The following ZNF93 variants were observed in gnomAD, a reference collection of about 807,000 sequenced individuals.
The protein encoded by ZNF93 is zinc finger protein 93.
Under a neutral mutation model 45.0 loss-of-function variants are expected in ZNF93, and 29 were observed. The ratio of observed to expected loss-of-function variants is 0.64; its 90% confidence interval spans 0.48 to 0.88. The LOEUF is 0.88. ZNF93 is among the 40% of genes least tolerant of loss of function. The pLI, the probability that ZNF93 is intolerant of heterozygous loss-of-function variation, is 0.00. For missense variants in ZNF93, 578 were observed against 724.0 expected, an observed-to-expected ratio of 0.80 and a Z score of 2.31; for synonymous variants, 223 against 244.6, an observed-to-expected ratio of 0.91 and a Z score of 0.82.
At chr19:19,906,829 GTTGTA>G (rs2063294088) in intron 1 of ZNF93, among the ~76,000 whole-genome samples, 1 of 151,654 alleles carries the variant, frequency 6.6e-6, no homozygotes, top group Admixed American at 6.6e-5. Flanking sequence ...AAATCTGATG[GTTGTA>G]GGAGGGTGTC....
chr19:19,901,027 C>G lies in ZNF93; in HGVS notation c.-62C>G. On this transcript the variant is annotated 5_prime_UTR_variant, in exon 1 of 4. Coordinates refer to ENST00000343769, the MANE Select transcript of ZNF93 (RefSeq NM_031218.4). Reference sequence around the variant, plus strand: ...TCCTACAGGCCCAGCCTCTGTGGCCCTGTGACCTGCAGGTATTGGGAGATC... The same window carrying G: ...TCCTACAGGCCCAGCCTCTGTGGCCGTGTGACCTGCAGGTATTGGGAGATC... 1 of 1,608,260 alleles carries G rather than the reference C, an allele frequency of 6.2e-7. No homozygotes were observed. Among genetic ancestry groups the G allele is most frequent in the Non-Finnish European group, 8.5e-7 (1 of 1,175,270 alleles).
intron 3 of ZNF93, among the ~76,000 whole-genome samples, chr19:19,917,765 C>T (rs1263157394): frequency 6.6e-6 from 1 of 152,116 alleles, no homozygotes; most frequent in Non-Finnish European, 1.5e-5. Context: ...ATCCACCCGC[C>T]TTGGCCTTTC....
At chr19:19,910,164 G>T (rs934865596) in intron 1 of ZNF93, among the ~76,000 whole-genome samples, 2 of 152,072 alleles carry the variant, frequency 1.3e-5, no homozygotes, top group African/African-American at 4.8e-5. Flanking sequence ...GGCTACTCCA[G>T]TCGTTCAGGC....
At chr19:19,931,156 T>C (rs1274204250) in intron 3 of ZNF93, among the ~76,000 whole-genome samples, 1 of 149,208 alleles carries the variant, frequency 6.7e-6, no homozygotes, top group Admixed American at 6.7e-5. Flanking sequence ...TATTTATATA[T>C]ATATTTATAT....
At chr19:19,916,216 A>G (rs577286314) in intron 2 of ZNF93, among the ~76,000 whole-genome samples, 1 of 151,956 alleles carries the variant, frequency 6.6e-6, no homozygotes, top group African/African-American at 2.4e-5. Context: ...ACAGGCATGC[A>G]TTACCATGCT....
intron 3 of ZNF93, among the ~76,000 whole-genome samples, chr19:19,922,633 A>C (rs1568510982): frequency 6.6e-6 from 1 of 151,992 alleles, no homozygotes; most frequent in Admixed American, 6.6e-5. Context: ...GGCTTTGTTC[A>C]TTTCTTTTTA....
At chr19:19,919,579 C>A (rs1325374899) in intron 3 of ZNF93, among the ~76,000 whole-genome samples, 1 of 152,128 alleles carries the variant, frequency 6.6e-6, no homozygotes, top group African/African-American at 2.4e-5. Flanking sequence ...TTCTTCCTAC[C>A]CATGAGCATG....
chr19:19,933,035 T>C (rs1224316207), intron 3 of ZNF93, 147 bp from the exon 4 acceptor site: 1 of 622,916 alleles, frequency 1.6e-6, no homozygotes, highest in African/African-American at 1.9e-5. Context: ...TTTGTTACAT[T>C]TATATGTTCA....
chr19:19,919,700 ATT>A (rs1179938605), intron 3 of ZNF93, among the ~76,000 whole-genome samples: 1 of 152,096 alleles, frequency 6.6e-6, no homozygotes, highest in East Asian at 1.9e-4. Flanking sequence ...TAGGTATTTT[ATT>A]CTCTTTGAAG....
Position 19,933,865 on chromosome 19 carries a change from A to C in ZNF93, c.910A>C (p.Lys304Gln). The change falls in exon 4 of 4, where the codon AAG becomes CAG. Residue 304 changes from lysine to glutamine, a missense_variant. Around this residue, in one of 3 missense-constraint regions of ZNF93, gnomAD observed 446 missense variants for 547.6 expected, o/e 0.81. Transcript: ENST00000343769. The stretch of plus-strand genomic sequence containing the variant: ...CCAATCCTCAACACTTACTAAACAT[A>C]AGAAAATTCATACTGGAGAGAAGCC... ...FNQSSTLTKH[K>Q]KIHTGEKPYV... 1 of 1,613,064 alleles carries C rather than the reference A, an allele frequency of 6.2e-7. No homozygotes were observed. The highest frequency in any genetic ancestry group is 8.5e-7 in the Non-Finnish European group (1 of 1,179,852).
intron 1 of ZNF93, among the ~76,000 whole-genome samples, chr19:19,906,070 G>A (rs2063292072): frequency 6.6e-6 from 1 of 152,246 alleles, no homozygotes; most frequent in Non-Finnish European, 1.5e-5. Context: ...TGGGTCAAAT[G>A]ATAATTCTGT....
In ZNF93 at chr19:19,935,115, C is replaced by T; in HGVS notation, c.*297C>T. 1 of 337,432 alleles carries T rather than the reference C, an allele frequency of 3.0e-6. No homozygotes were observed. The highest frequency in any genetic ancestry group is 5.4e-5 in the East Asian group (1 of 18,668). 20.9% of individuals were successfully genotyped at this position (337,432 alleles called of 1,614,324 possible). On this transcript the variant is annotated 3_prime_UTR_variant, in exon 4 of 4. Coordinates refer to ENST00000343769, the MANE Select transcript of ZNF93 (RefSeq NM_031218.4). Reference sequence around the variant, plus strand: ...CCCACACAGTTAACCTGAGGAAATGCTCTCTGGTACTCACTGAAAGCCACA... The same window carrying T: ...CCCACACAGTTAACCTGAGGAAATGTTCTCTGGTACTCACTGAAAGCCACA...
chr19:19,921,925 A>G (rs1244208859), intron 3 of ZNF93, among the ~76,000 whole-genome samples: 1 of 152,048 alleles, frequency 6.6e-6, no homozygotes. Context: ...TTTTAATTGG[A>G]GCATTTAGCC....
intron 3 of ZNF93, among the ~76,000 whole-genome samples, chr19:19,930,271 C>A (rs1238929825): frequency 2.6e-5 from 4 of 152,268 alleles, no homozygotes; most frequent in Admixed American, 6.5e-5. Flanking sequence ...TTAGTACTTT[C>A]ACTAATTTTG....
At chr19:19,910,227 A>G (rs561550491) in intron 1 of ZNF93, among the ~76,000 whole-genome samples, 1 of 152,266 alleles carries the variant, frequency 6.6e-6, no homozygotes, top group East Asian at 1.9e-4. Context: ...TTGGGGGAAA[A>G]AAAAACTTAC....
intron 1 of ZNF93, among the ~76,000 whole-genome samples, chr19:19,912,313 G>A (rs529234123): frequency 4.6e-5 from 7 of 152,072 alleles, no homozygotes; most frequent in Admixed American, 2.0e-4. Flanking sequence ...TGCCCCAGAC[G>A]TGTTCAGATT....
chr19:19,915,394 C>T lies in ZNF93; in HGVS notation c.118C>T (p.Leu40=), dbSNP rs139631470. ...RNVMLENYSN[L]VFLGIVVSKP... is the part of the protein sequence containing the mutation. ...TGTGATGTTAGAGAACTACAGTAAC[C>T]TGGTCTTCCTTGGTGAGGATAACTT... The change falls in exon 2 of 4, where the codon CTG becomes TTG. Residue 40 remains leucine (L), a synonymous_variant. Transcript: ENST00000343769. 3,992 of 1,613,394 alleles carry T rather than the reference C, an allele frequency of 2.5e-3. 14 individuals are homozygous for T. The highest frequency in any genetic ancestry group is 3.1e-3 in the Middle Eastern group (19 of 6,054).
intron 3 of ZNF93, among the ~76,000 whole-genome samples, chr19:19,922,646 C>A (rs2063345196): frequency 6.6e-6 from 1 of 152,070 alleles, no homozygotes. Context: ...TCTTTTTATT[C>A]TTTTTTCTCT....
chr19:19,918,946 C>G (rs1186604257), intron 3 of ZNF93, among the ~76,000 whole-genome samples: 2 of 151,858 alleles, frequency 1.3e-5, no homozygotes, highest in Non-Finnish European at 2.9e-5. Flanking sequence ...TGTGCAGAAG[C>G]TCTTTAGTTT....
Sources: gnomAD v4.1 joint callset for allele counts (sites outside exome capture counted in the v4.1 genomes callset) on GRCh38, gnomAD v4.1.1 for gene constraint, gnomAD v4.1.1 regional missense constraint, MANE v1.5 for transcripts, NCBI Gene and HGNC (gene_info 2026-07-23, HGNC 2026-07-21) for gene names.